GHRL: variants seen among roughly 807,000 people sequenced by gnomAD.
The protein encoded by GHRL is appetite-regulating hormone.
GHRL carries 24 observed loss-of-function variants against 16.9 expected under a neutral mutation model. The ratio of observed to expected loss-of-function variants is 1.42; its 90% confidence interval spans 1.03 to 2.00. The LOEUF is 2.00. Ranked by LOEUF, GHRL falls within the 30% of genes most tolerant of loss-of-function variation. The pLI, the probability that GHRL is intolerant of heterozygous loss-of-function variation, is 0.00. For missense variants in GHRL, 193 were observed against 142.1 expected (o/e 1.36, Z -1.82); for synonymous variants, 63 against 58.2 (o/e 1.08, Z -0.37).
intron 4 of GHRL, 67 bp downstream of exon 4, chr3:10,289,695 G>T (rs1699645337): frequency 2.1e-6 from 2 of 961,460 alleles, no homozygotes. Context: ...ACCTCTCCCT[G>T]CCCTCCCTCT....
chr3:10,288,210 T>C (rs1699379753), intron 4 of GHRL: 1 of 152,078 alleles, frequency 6.6e-6, no homozygotes, highest in African/African-American at 2.4e-5. Flanking sequence ...AGTCTTCTAC[T>C]CTGAAACTTG....
chr3:10,286,861 A>G, intron 4 of GHRL, 49 bp from the exon 5 acceptor site: 1 of 1,109,140 alleles, frequency 9.0e-7, no homozygotes, highest in Middle Eastern at 2.1e-4. Flanking sequence ...GGTCATGCCC[A>G]TCCCCATCTC....
In GHRL at chr3:10,292,738, GC is replaced by G. The variant is rs949949523; in HGVS notation, c.-766+103del. ...GGTCTGTAGTCCTCAGAGAAGACTT[GC>G]AGCTTTTTCAGAGCCACCAACCCAT... On this transcript the variant is annotated intron_variant, in intron 1 of 5. Transcript: ENST00000335542. 1.6e-5 allele frequency: 11 copies of G among 707,178 alleles called. 1 individual carries two copies. Among genetic ancestry groups the G allele is most frequent in the African/African-American group, 1.5e-4 (8 of 54,512 alleles). 43.8% of individuals were successfully genotyped at this position (707,178 alleles called of 1,614,324 possible).
rs1194902925 is a variant in GHRL at position 10,291,277 on chromosome 3, A to G, written c.-591T>C. 8.1e-6 allele frequency: 8 copies of G among 985,346 alleles called. No homozygotes were observed. The highest frequency in any genetic ancestry group is 1.1e-4 in the East Asian group (1 of 8,818). 61.0% of individuals were successfully genotyped at this position (985,346 alleles called of 1,614,324 possible). ...CAGACTGCTCCTGATCATCCTCTCCAGAGAGTGGGTGTGGGGATAACTTCA... is the reference window on the plus strand; with the variant it reads ...CAGACTGCTCCTGATCATCCTCTCCGGAGAGTGGGTGTGGGGATAACTTCA... On this transcript the variant is annotated 5_prime_UTR_variant, in exon 2 of 6. Coordinates refer to ENST00000335542, the MANE Select transcript of GHRL (RefSeq NM_016362.5).
intron 2 of GHRL, 41 bp from the exon 3 acceptor site, chr3:10,290,250 CA>C (rs1187121245): frequency 7.7e-6 from 12 of 1,556,654 alleles, no homozygotes; most frequent in Non-Finnish European, 1.0e-5. Context: ...CTCCCCTTCT[CA>C]TGTGCCTCTG....
In GHRL at chr3:10,290,131, C is replaced by G. The variant is rs777169175; in HGVS notation, c.50G>C (p.Trp17Ser). Residue 17 changes from tryptophan (W) to serine (S), a missense_variant, in exon 3 of 6, where the codon TGG (tryptophan) becomes TCG (serine). Trp to Ser is a radical substitution (Grantham distance 177, BLOSUM62 -3). Transcript: ENST00000335542. ...VCSLLLLGMLWLDLAMAGSSF... is the reference protein window; with the variant it reads ...VCSLLLLGMLSLDLAMAGSSF... ...GGAGCCTGCCATGGCCAAGTCCAGC[C>G]AGAGCATGCCGAGGAGCAGGAGGCT... The G allele has an allele frequency of 6.2e-7, 1 of 1,613,456 alleles. No individual in the cohort carries two copies. The highest frequency in any genetic ancestry group is 2.2e-5 in the East Asian group (1 of 44,852).
chr3:10,286,754 C>G lies in GHRL; in HGVS notation c.284G>C (p.Ser95Thr), dbSNP rs544937594. The G allele has an allele frequency of 1.9e-6, 3 of 1,613,330 alleles. No individual in the cohort carries two copies. In the African/African-American group the frequency reaches 4.0e-5, roughly 21 times the overall value. The change falls in exon 5 of 6, where the codon AGC becomes ACC. Residue 95 changes from serine (S) to threonine (T), a missense_variant. Physicochemically the swap from Ser to Thr is moderately conservative, Grantham distance 58. Transcript: ENST00000335542. The stretch of plus-strand genomic sequence containing the variant: ...CTGAAGAAACTTCCCCAGGGCCTGG[C>G]TGTGCTGCTGGTACTGAACCCCTGA... Reference protein sequence around the residue: ...KLSGVQYQQHSQALGKFLQDI... With the variant: ...KLSGVQYQQHTQALGKFLQDI...
Position 10,291,261 on chromosome 3 carries a change from C to T in GHRL, c.-575G>A. 1 of 985,472 alleles carries T rather than the reference C, an allele frequency of 1.0e-6. No homozygotes were observed. Among genetic ancestry groups the T allele is most frequent in the African/African-American group, 1.7e-5 (1 of 57,376 alleles). The allele number at this position is 985,472 out of a possible 1,614,324, so 61.0% of individuals were successfully genotyped here. On this transcript the variant is annotated 5_prime_UTR_variant, in exon 2 of 6. Coordinates refer to ENST00000335542, the MANE Select transcript of GHRL (RefSeq NM_016362.5). ...CCACCTCCCGGTTGAGCAGACTGCT[C>T]CTGATCATCCTCTCCAGAGAGTGGG...
chr3:10,289,499 GGCT>G (rs1699613395), intron 4 of GHRL, among the ~76,000 whole-genome samples: 1 of 152,204 alleles, frequency 6.6e-6, no homozygotes, highest in Admixed American at 6.5e-5. Context: ...GTCGCCTGGA[GGCT>G]CTGGCACCCT....
chr3:10,290,114 C>T lies in GHRL; in HGVS notation c.67G>A (p.Ala23Thr). 3 of 1,613,194 alleles carry T rather than the reference C, an allele frequency of 1.9e-6. No homozygotes were observed. The highest frequency in any genetic ancestry group is 2.5e-6 in the Non-Finnish European group (3 of 1,179,774). ...LGMLWLDLAM[A>T]GSSFLSPEHQ... The stretch of plus-strand genomic sequence containing the variant: ...TCAGGGCTCAGGAAGCTGGAGCCTG[C>T]CATGGCCAAGTCCAGCCAGAGCATG... Residue 23 changes from alanine to threonine, a missense_variant, in exon 3 of 6, where the codon GCA becomes ACA. By Grantham distance (58) the Ala-to-Thr change is moderately conservative. Transcript: ENST00000335542.
At position 10,292,859 on chromosome 3, in the gene GHRL, C is replaced by T. The variant is rs1700189085; in HGVS notation, c.-783G>A. The T allele has an allele frequency of 8.4e-6, 13 of 1,547,462 alleles. No individual in the cohort carries two copies. The highest frequency in any genetic ancestry group is 1.0e-5 in the Non-Finnish European group (12 of 1,143,838). ...CCACTTACCTGGACCCTGGAGGCCT[C>T]TCCGGGCACAGCTGCCAATGTTGAT... On this transcript the variant is annotated 5_prime_UTR_variant, in exon 1 of 6. Transcript: ENST00000335542.
Position 10,290,774 on chromosome 3 carries a change from G to A in GHRL, c.-88C>T. 1.0e-6 allele frequency: 1 copy of A among 992,494 alleles called. No homozygotes were observed. Among genetic ancestry groups the A allele is most frequent in the Non-Finnish European group, 1.2e-6 (1 of 834,324 alleles). 61.5% of individuals were successfully genotyped at this position (992,494 alleles called of 1,614,324 possible). ...TGTCAGGTCCTTATATAGGATGACT[G>A]GCGTTTGTTCTAAACCAGCAACCCC... On this transcript the variant is annotated 5_prime_UTR_variant, in exon 2 of 6. Coordinates refer to ENST00000335542, the MANE Select transcript of GHRL (RefSeq NM_016362.5).
chr3:10,290,611 G>A (rs1007830069), intron 2 of GHRL, 105 bp downstream of exon 2: 20 of 390,344 alleles, frequency 5.1e-5, no homozygotes, highest in Non-Finnish European at 6.3e-5. Flanking sequence ...GACATCCCCC[G>A]TGTTTAGAGG....
intron 2 of GHRL, 24 bp from the exon 3 acceptor site, chr3:10,290,233 C>A (rs1699776918): frequency 1.3e-6 from 2 of 1,570,840 alleles, no homozygotes; most frequent in East Asian, 4.6e-5. Context: ...GGTCTCCAGG[C>A]AGCTGCCTCC....
chr3:10,286,800 AGGG>A lies in GHRL; in HGVS notation c.235_237del (p.Pro79del), dbSNP rs755045075. ...CCTGACAGCTTGATTCCAACATCAA[AGGG>A]GGCGTTGAACTAGGAGGCAGGGCAG... is the stretch of plus-strand genomic sequence containing the variant. On this transcript the variant is annotated inframe_deletion, in exon 5 of 6. Transcript: ENST00000335542. 162 of 1,609,068 alleles carry A rather than the reference AGGG, an allele frequency of 1.0e-4. No individual in the cohort carries two copies. Among genetic ancestry groups the A allele is most frequent in the Non-Finnish European group, 1.3e-4 (150 of 1,175,556 alleles).
At position 10,290,915 on chromosome 3, in the gene GHRL, G is replaced by A; in HGVS notation, c.-229C>T. ...AGGTCAGATGCCCTGCGGAATTGCT[G>A]GGTTGGCGAGGGAAGAAGCATGTGC... On this transcript the variant is annotated 5_prime_UTR_variant, in exon 2 of 6. The change creates a premature stop within an existing upstream ORF in the 5' untranslated region. Transcript: ENST00000335542. The A allele has an allele frequency of 3.0e-6, 3 of 985,610 alleles. No individual in the cohort carries two copies. The highest frequency in any genetic ancestry group is 3.6e-6 in the Non-Finnish European group (3 of 830,000). 61.1% of individuals were successfully genotyped at this position (985,610 alleles called of 1,614,324 possible). A position where few individuals can be genotyped will look rare whatever the true frequency, so the allele number is the denominator to read the frequency against.
chr3:10,290,968 G>A lies in GHRL; in HGVS notation c.-282C>T. ...CAGCTGTCCCTGGAACACGGTGGCG[G>A]GGTGCCCCAAGTGGGCATGGCCCTG... On this transcript the variant is annotated 5_prime_UTR_variant, in exon 2 of 6. Transcript: ENST00000335542. The A allele has an allele frequency of 1.0e-6, 1 of 985,812 alleles. No homozygotes were observed. The highest frequency in any genetic ancestry group is 1.2e-6 in the Non-Finnish European group (1 of 830,138). The allele number at this position is 985,812 out of a possible 1,614,324, so 61.1% of individuals were successfully genotyped here.
chr3:10,288,749 A>C (rs1259067965), intron 4 of GHRL, among the ~76,000 whole-genome samples: 2 of 152,226 alleles, frequency 1.3e-5, no homozygotes, highest in African/African-American at 4.8e-5. Context: ...GCAGAGGCCA[A>C]GGCGGGCACA....
chr3:10,290,450 C>A (rs955002510), intron 2 of GHRL: 42 of 441,526 alleles, frequency 9.5e-5, no homozygotes, highest in Non-Finnish European at 1.3e-4. Flanking sequence ...GGGGTCCTCC[C>A]CGGTGCCTTT....
Sources: gnomAD v4.1 joint callset for allele counts (sites outside exome capture counted in the v4.1 genomes callset) on GRCh38, gnomAD v4.1.1 for gene constraint, MANE v1.5 for transcripts, NCBI Gene and HGNC (gene_info 2026-07-23, HGNC 2026-07-21) for gene names.